Variants in CASZ1 observed in about 807,000 individuals in gnomAD.
CASZ1 encodes zinc finger protein castor homolog 1.
CASZ1 carries 28 observed loss-of-function variants against 135.2 expected under a neutral mutation model. That is an observed-to-expected ratio of 0.21 (90% CI 0.15 to 0.28). The LOEUF (loss-of-function observed/expected upper bound fraction) is 0.28. Ranked by LOEUF, CASZ1 falls within the 10% of genes least tolerant of loss-of-function variation. The probability of loss-of-function intolerance (pLI) is 1.00; values close to 1 mark genes in which losing one functional copy is unlikely to be tolerated. For missense variants in CASZ1, 2,161 were observed against 2,453.3 expected (o/e 0.88, Z 2.52); for synonymous variants, 1,068 against 1,073.4 (o/e 0.99, Z 0.10).
chr1:10,657,028 C>T lies in CASZ1; in HGVS notation c.1410-292G>A, dbSNP rs527337361. 2.0e-5 allele frequency among the ~76,000 whole-genome samples: 3 copies of T among 152,296 alleles called. No individual in the cohort carries two copies. The highest frequency in any genetic ancestry group is 2.1e-4 in the South Asian group (1 of 4,824). On this transcript the variant is annotated intron_variant, in intron 7 of 20. Coordinates refer to ENST00000377022, the MANE Select transcript of CASZ1 (RefSeq NM_001079843.3). This position sits in a 1 kb window ranked among gnomAD's most constrained non-coding sequence, Gnocchi z 5.7. ...ATGGAAGGGAAGGCAGGCGCCCCCT[C>T]GGCTGCCCACCTGTCTTTTCTGCAG...
At chr1:10,672,116 G>A (rs891262586) in intron 4 of CASZ1, among the ~76,000 whole-genome samples, 6 of 152,116 alleles carry the variant, frequency 3.9e-5, no homozygotes, top group East Asian at 1.9e-4. Context: ...AGGCCTCCCC[G>A]GCTCACCCGC....
At position 10,727,781 on chromosome 1, in the gene CASZ1, G is replaced by A. The variant is rs1273321657; in HGVS notation, c.-76-22237C>T. Among the ~76,000 whole-genome samples the A allele has an allele frequency of 6.6e-6, 1 of 152,212 alleles. No homozygotes were observed. The highest frequency in any genetic ancestry group is 1.5e-5 in the Non-Finnish European group (1 of 68,028). On this transcript the variant is annotated intron_variant, in intron 2 of 20. Coordinates refer to ENST00000377022, the MANE Select transcript of CASZ1 (RefSeq NM_001079843.3). The surrounding 1 kb of genome is among the most constrained non-coding windows in gnomAD (Gnocchi z 5.3). The stretch of plus-strand genomic sequence containing the variant: ...GAGGAAGGCCAGGCAGCAGCTGCCA[G>A]GGCTGCCCTCAGCCCTTGCCCAGAC...
At chr1:10,696,092 A>G (rs1029896504) in intron 3 of CASZ1, among the ~76,000 whole-genome samples, 2 of 152,242 alleles carry the variant, frequency 1.3e-5, no homozygotes, top group Non-Finnish European at 2.9e-5. Flanking sequence ...GGGAGGGGCC[A>G]GGGAGGCCTT....
At chr1:10,775,769 G>C (rs1640651709) in intron 1 of CASZ1, among the ~76,000 whole-genome samples, 1 of 152,164 alleles carries the variant, frequency 6.6e-6, no homozygotes, top group Non-Finnish European at 1.5e-5. Context: ...GGAGGCCAAA[G>C]GGCCGAGAGG....
chr1:10,744,064 C>T (rs916857749), intron 2 of CASZ1, among the ~76,000 whole-genome samples: 1 of 152,152 alleles, frequency 6.6e-6, no homozygotes, highest in Non-Finnish European at 1.5e-5. Context: ...CGGGCACTCT[C>T]TCCCCCTTAG....
At chr1:10,649,774 T>C (rs910946053) in intron 13 of CASZ1, 9 of 208,330 alleles carry the variant, frequency 4.3e-5, no homozygotes, top group Non-Finnish European at 8.7e-5. Flanking sequence ...GTTATTTTCC[T>C]GCCAGAAGGT....
intron 11 of CASZ1, chr1:10,652,240 G>A (rs1167100070): frequency 6.6e-6 from 1 of 152,306 alleles, no homozygotes; most frequent in Non-Finnish European, 1.5e-5. Flanking sequence ...GTTCTGAGAG[G>A]GTTTCGAATG....
chr1:10,736,767 G>A (rs1036265929), intron 2 of CASZ1, among the ~76,000 whole-genome samples: 3 of 152,162 alleles, frequency 2.0e-5, no homozygotes, highest in Admixed American at 1.3e-4. Context: ...GTCTAGTAGC[G>A]GACACAGGGC....
Position 10,647,397 on chromosome 1 carries a change from C to T in CASZ1, c.3497+404G>A, listed in dbSNP as rs1023839079. The T allele has an allele frequency of 9.2e-6, 10 of 1,082,616 alleles. No individual in the cohort carries two copies. The highest frequency in any genetic ancestry group is 1.7e-5 in the African/African-American group (1 of 59,534). 67.1% of individuals were successfully genotyped at this position (1,082,616 alleles called of 1,614,324 possible). ...GGCCTGGCCCCTACCCGTGACTTCA[C>T]GTGCCCTGCAGAGATTCAGCCATGG... On this transcript the variant is annotated intron_variant, in intron 16 of 20. Transcript: ENST00000377022. The surrounding 1 kb of genome is among the most constrained non-coding windows in gnomAD (Gnocchi z 4.9).
chr1:10,685,361 A>G (rs1638552466), intron 4 of CASZ1, among the ~76,000 whole-genome samples: 1 of 152,220 alleles, frequency 6.6e-6, no homozygotes, highest in Non-Finnish European at 1.5e-5. Flanking sequence ...CGCTGGTGAC[A>G]GTTGCTGAAA....
Position 10,707,873 on chromosome 1 carries a change from G to A in CASZ1, c.-76-2329C>T, listed in dbSNP as rs284293. On this transcript the variant is annotated intron_variant, in intron 2 of 20. Coordinates refer to ENST00000377022, the MANE Select transcript of CASZ1 (RefSeq NM_001079843.3). This position sits in a 1 kb window ranked among gnomAD's most constrained non-coding sequence, Gnocchi z 5.0. ...AGTTAAGGAAGGATTCTCCAAGGCC[G>A]GGGGAGAGGCACAGTACTGGGAAGA... is the stretch of plus-strand genomic sequence containing the variant. 0.035 allele frequency among the ~76,000 whole-genome samples: 5,365 copies of A among 152,248 alleles called. 322 individuals carry two copies. Among genetic ancestry groups the A allele is most frequent in the African/African-American group, 0.12 (5,002 of 41,520 alleles).
At chr1:10,680,236 TGCTGCCG>T (rs903637858) in intron 4 of CASZ1, among the ~76,000 whole-genome samples, 5 of 137,300 alleles carry the variant, frequency 3.6e-5, no homozygotes, top group Non-Finnish European at 6.2e-5. Context: ...GGCCTTACGA[TGCTGCCG>T]GAGGGCTCCG....
Position 10,771,584 on chromosome 1 carries a change from C to T in CASZ1, c.-233-10727G>A, listed in dbSNP as rs187811793. On this transcript the variant is annotated intron_variant, in intron 1 of 20. Coordinates refer to ENST00000377022, the MANE Select transcript of CASZ1 (RefSeq NM_001079843.3). ...ATTTTAATTAGCGACTTATTGTAAACGTAGACTTTTAAAATGGAGGCACCT... is the reference window on the plus strand; with the variant it reads ...ATTTTAATTAGCGACTTATTGTAAATGTAGACTTTTAAAATGGAGGCACCT... 3.8e-3 allele frequency among the ~76,000 whole-genome samples: 579 copies of T among 152,088 alleles called. 6 individuals carry two copies. Among genetic ancestry groups the T allele is most frequent in the Middle Eastern group, 6.8e-3 (2 of 294 alleles).
Position 10,762,543 on chromosome 1 carries a change from C to T in CASZ1, c.-233-1686G>A, listed in dbSNP as rs571879283. ...GAATCCCCCAAAGCCCTGGGCAGCC[C>T]GTCCACCCACAAAACTCCCCTGGGC... is the stretch of plus-strand genomic sequence containing the variant. On this transcript the variant is annotated intron_variant, in intron 1 of 20. Coordinates refer to ENST00000377022, the MANE Select transcript of CASZ1 (RefSeq NM_001079843.3). This position sits in a 1 kb window ranked among gnomAD's most constrained non-coding sequence, Gnocchi z 4.1. 6.6e-6 allele frequency among the ~76,000 whole-genome samples: 1 copy of T among 152,274 alleles called. No homozygotes were observed. Among genetic ancestry groups the T allele is most frequent in the East Asian group, 1.9e-4 (1 of 5,174 alleles).
chr1:10,648,875 T>A, intron 15 of CASZ1, 195 bp downstream of exon 15: 1 of 706,590 alleles, frequency 1.4e-6, no homozygotes, highest in Non-Finnish European at 2.3e-6. Context: ...GGACAGGGGC[T>A]CAGAGCCCCC....
chr1:10,641,628 C>T (rs954867004), intron 20 of CASZ1, among the ~76,000 whole-genome samples: 3 of 152,248 alleles, frequency 2.0e-5, no homozygotes, highest in Non-Finnish European at 4.4e-5. Flanking sequence ...CCCCAGCAGA[C>T]CTTCCCGAAA....
chr1:10,710,539 T>G (rs964381547), intron 2 of CASZ1, among the ~76,000 whole-genome samples: 2 of 152,174 alleles, frequency 1.3e-5, no homozygotes, highest in Non-Finnish European at 1.5e-5. Flanking sequence ...TGAGGAGTGG[T>G]TCTGGCAAAG....
intron 1 of CASZ1, among the ~76,000 whole-genome samples, chr1:10,782,936 G>T (rs1640788420): frequency 6.6e-6 from 1 of 152,224 alleles, no homozygotes; most frequent in Non-Finnish European, 1.5e-5. Context: ...GGTGGAGGGT[G>T]GGGGAAGCTT....
At position 10,638,777 on chromosome 1, in the gene CASZ1, T is replaced by G; in HGVS notation, c.*165A>C. ...AGGGCCACCGCCGCCGCCTGTGTCC[T>G]CGGCCGCGGAGCACCAGAGGGGTCC... is the stretch of plus-strand genomic sequence containing the variant. On this transcript the variant is annotated 3_prime_UTR_variant, in exon 21 of 21. Transcript: ENST00000377022. The surrounding 1 kb of genome is among the most constrained non-coding windows in gnomAD (Gnocchi z 5.9). 1 of 661,514 alleles carries G rather than the reference T, an allele frequency of 1.5e-6. No individual in the cohort carries two copies. The highest frequency in any genetic ancestry group is 1.9e-6 in the Non-Finnish European group (1 of 534,450). The allele number at this position is 661,514 out of a possible 1,614,324, so 41.0% of individuals were successfully genotyped here. A position where few individuals can be genotyped will look rare whatever the true frequency, so the allele number is the denominator to read the frequency against.
Sources: allele counts gnomAD v4.1 joint callset (sites outside exome capture counted in the v4.1 genomes callset), GRCh38; gene constraint gnomAD v4.1.1; non-coding constraint Gnocchi (gnomAD v3.1); transcripts MANE v1.5; gene names NCBI Gene and HGNC (gene_info 2026-07-23, HGNC 2026-07-21).